CSMD1: variants seen among roughly 807,000 people sequenced by gnomAD.
The protein encoded by CSMD1 is CUB and sushi domain-containing protein 1.
Under a neutral mutation model 417.5 loss-of-function variants are expected in CSMD1, and 213 were observed. The observed-to-expected ratio is 0.51, with a 90% CI of 0.46 to 0.57. CSMD1 has a LOEUF of 0.57. Ranked by LOEUF, CSMD1 falls within the 20% of genes least tolerant of loss-of-function variation. The pLI, the probability that CSMD1 is intolerant of heterozygous loss-of-function variation, is 0.00. For missense variants in CSMD1, 6,923 were observed against 4,529.7 expected (o/e 1.53, Z -15.17); for synonymous variants, 2,862 against 1,736.8 (o/e 1.65, Z -16.11).
intron 69 of CSMD1, among the ~76,000 whole-genome samples, chr8:2,941,501 T>C (rs552936678): frequency 1.3e-5 from 2 of 152,324 alleles, no homozygotes; most frequent in Non-Finnish European, 2.9e-5. Context: ...TAGAGTAGTT[T>C]GGCATTTCCA....
intron 10 of CSMD1, among the ~76,000 whole-genome samples, chr8:3,558,215 G>A (rs182395861): frequency 5.6e-4 from 81 of 143,808 alleles, no homozygotes; most frequent in African/African-American, 1.8e-3. Context: ...GTAGTACCCC[G>A]TATCCCCTCC....
At chr8:3,342,045 G>T (rs370965993) in intron 23 of CSMD1, among the ~76,000 whole-genome samples, 1 of 152,140 alleles carries the variant, frequency 6.6e-6, no homozygotes, top group Non-Finnish European at 1.5e-5. Flanking sequence ...ATAATTATAG[G>T]TTGATCTTGT....
At chr8:4,169,045 T>C (rs1240458523) in intron 3 of CSMD1, among the ~76,000 whole-genome samples, 1 of 152,196 alleles carries the variant, frequency 6.6e-6, no homozygotes, top group African/African-American at 2.4e-5. Flanking sequence ...TTTCTTCTTT[T>C]CTTTCTGACC....
chr8:3,741,375 T>C (rs17067294), intron 6 of CSMD1, among the ~76,000 whole-genome samples: 1 of 151,854 alleles, frequency 6.6e-6, no homozygotes, highest in Non-Finnish European at 1.5e-5. Context: ...CGAAGGGGAA[T>C]GTATCACAGG....
intron 1 of CSMD1, among the ~76,000 whole-genome samples, chr8:4,661,132 A>G (rs750741829): frequency 1.2e-4 from 18 of 152,204 alleles, no homozygotes; most frequent in Non-Finnish European, 1.8e-4. Context: ...TATCCTAGAA[A>G]TGTGACAACA....
At chr8:3,357,510 G>C (rs972021944) in intron 21 of CSMD1, among the ~76,000 whole-genome samples, 4 of 152,280 alleles carry the variant, frequency 2.6e-5, no homozygotes, top group Non-Finnish European at 5.9e-5. Flanking sequence ...TAGTTACTGA[G>C]TTTTCATATT....
At chr8:4,342,461 A>G (rs548524840) in intron 3 of CSMD1, among the ~76,000 whole-genome samples, 106 of 152,218 alleles carry the variant, frequency 7.0e-4, no homozygotes, top group African/African-American at 2.4e-3. Context: ...ACAGCAGACA[A>G]TAAACTGGCA....
chr8:3,682,647 A>T (rs1259987831), intron 7 of CSMD1, among the ~76,000 whole-genome samples: 1 of 152,198 alleles, frequency 6.6e-6, no homozygotes, highest in Non-Finnish European at 1.5e-5. Context: ...TTCCTCAGGG[A>T]TCTAGAATTA....
chr8:3,306,038 C>T (rs1003759289), intron 25 of CSMD1, among the ~76,000 whole-genome samples: 11 of 152,120 alleles, frequency 7.2e-5, no homozygotes, highest in South Asian at 6.2e-4. Context: ...TGTTTGCATT[C>T]TAGATATGCT....
chr8:3,531,997 C>G (rs1386311349), intron 10 of CSMD1, among the ~76,000 whole-genome samples: 1 of 152,186 alleles, frequency 6.6e-6, no homozygotes, highest in Non-Finnish European at 1.5e-5. Flanking sequence ...GATTCATGCC[C>G]TATGCAGATG....
intron 1 of CSMD1, among the ~76,000 whole-genome samples, chr8:4,829,790 C>T (rs954679877): frequency 8.6e-5 from 13 of 151,442 alleles, no homozygotes; most frequent in African/African-American, 2.9e-4. Flanking sequence ...TTCACACCCA[C>T]CTAGTTAATG....
intron 54 of CSMD1, among the ~76,000 whole-genome samples, chr8:2,991,659 A>AAAAAGC (rs1563213403): frequency 1.3e-5 from 2 of 152,254 alleles, no homozygotes; most frequent in African/African-American, 4.8e-5. Flanking sequence ...CCTTTTTAAA[A>AAAAAGC]AAAAGCAAAA....
At chr8:4,804,492 C>G (rs1035008819) in intron 1 of CSMD1, among the ~76,000 whole-genome samples, 2 of 148,834 alleles carry the variant, frequency 1.3e-5, no homozygotes, top group Non-Finnish European at 3.0e-5. Context: ...GGATTCCTGA[C>G]TGACTTTATA....
chr8:4,873,675 T>C (rs1424251511), intron 1 of CSMD1, among the ~76,000 whole-genome samples: 1 of 152,134 alleles, frequency 6.6e-6, no homozygotes, highest in Non-Finnish European at 1.5e-5. Context: ...AGTAAACACT[T>C]ATTGATGATA....
chr8:4,747,882 T>C (rs1336803082), intron 1 of CSMD1, among the ~76,000 whole-genome samples: 2 of 152,236 alleles, frequency 1.3e-5, no homozygotes, highest in East Asian at 3.9e-4. Context: ...CACCAGGATA[T>C]CTGTTGTTGC....
chr8:4,068,446 T>C (rs958038708), intron 3 of CSMD1, among the ~76,000 whole-genome samples: 1 of 152,202 alleles, frequency 6.6e-6, no homozygotes, highest in Non-Finnish European at 1.5e-5. Context: ...TAAATGTATA[T>C]TTTTAGAAAG....
chr8:4,242,650 G>C lies in CSMD1; in HGVS notation c.415+177303C>G, dbSNP rs115463184. Among the ~76,000 whole-genome samples the C allele has an allele frequency of 6.4e-3, 977 of 152,286 alleles. 13 individuals are homozygous for C. Among genetic ancestry groups the C allele is most frequent in the African/African-American group, 0.022 (917 of 41,560 alleles). ...AGGCATCTTTGTGTGTTTGGAAATA[G>C]ATTCCCTCCTTCCAGGTTCACAGAC... On this transcript the variant is annotated intron_variant, in intron 3 of 69. Transcript: ENST00000635120.
At chr8:4,876,967 C>T (rs188817296) in intron 1 of CSMD1, among the ~76,000 whole-genome samples, 89 of 151,884 alleles carry the variant, frequency 5.9e-4, no homozygotes, top group African/African-American at 2.1e-3. Context: ...AATTTTATGA[C>T]AATTAAAAAT....
intron 3 of CSMD1, among the ~76,000 whole-genome samples, chr8:4,261,697 A>AC (rs1276501107): frequency 6.6e-6 from 1 of 152,148 alleles, no homozygotes; most frequent in East Asian, 1.9e-4. Context: ...GGCATGAGTC[A>AC]CCTCTTCTGG....
Sources: gnomAD v4.1 joint callset for allele counts (sites outside exome capture counted in the v4.1 genomes callset) on GRCh38, gnomAD v4.1.1 for gene constraint, MANE v1.5 for transcripts, NCBI Gene and HGNC (gene_info 2026-07-23, HGNC 2026-07-21) for gene names.